The following MACROD2 variants were observed in gnomAD, a reference collection of about 807,000 sequenced individuals.
MACROD2 encodes mono-ADP ribosylhydrolase 2, also known as ADP-ribose glycohydrolase MACROD2.
Under a neutral mutation model 70.4 loss-of-function variants are expected in MACROD2, and 36 were observed. The observed-to-expected ratio is 0.51, with a 90% CI of 0.39 to 0.68. The LOEUF is 0.68. Ranked by LOEUF, MACROD2 falls within the 30% of genes least tolerant of loss-of-function variation. The pLI is 0.00. For synonymous variants in MACROD2, 172 were observed against 178.8 expected (o/e 0.96, Z 0.30); for missense variants, 496 against 538.4 (o/e 0.92, Z 0.78).
intron 2 of MACROD2, among the ~76,000 whole-genome samples, chr20:14,080,139 G>C (rs968972790): frequency 1.3e-5 from 2 of 152,018 alleles, no homozygotes; most frequent in Admixed American, 1.3e-4. Flanking sequence ...ATCTTCAAGA[G>C]GCTTTTAGAA....
Position 15,590,959 on chromosome 20 carries a change from A to AAAAGAAAG in MACROD2, c.645+91128_645+91135dup, listed in dbSNP as rs146525368. ...GGAAAGAGAGAGAAAGAAAGAAAGA[A>AAAAGAAAG]AAAGAAAGAAAGAAAGAAAGAAAAG... On this transcript the variant is annotated intron_variant, in intron 8 of 17. Coordinates refer to ENST00000684519, the MANE Select transcript of MACROD2 (RefSeq NM_001351661.2). Among the ~76,000 whole-genome samples the AAAAGAAAG allele has an allele frequency of 9.3e-3, 1,386 of 149,492 alleles. 7 individuals carry two copies. The highest frequency in any genetic ancestry group is 0.017 in the Middle Eastern group (5 of 290).
intron 7 of MACROD2, among the ~76,000 whole-genome samples, chr20:15,452,505 T>C (rs1338847767): frequency 6.6e-6 from 1 of 152,192 alleles, no homozygotes; most frequent in Admixed American, 6.6e-5. Context: ...GTAAAAGCTG[T>C]GTAATGAAAT....
At chr20:14,395,302 A>G (rs1271881130) in intron 3 of MACROD2, among the ~76,000 whole-genome samples, 1 of 151,988 alleles carries the variant, frequency 6.6e-6, no homozygotes, top group Non-Finnish European at 1.5e-5. Flanking sequence ...GGCTATTTGT[A>G]TTTTTTGAGC....
chr20:14,036,728 A>G (rs556574917), intron 2 of MACROD2, among the ~76,000 whole-genome samples: 10 of 152,234 alleles, frequency 6.6e-5, no homozygotes, highest in South Asian at 2.1e-4. Flanking sequence ...CCCTGCCGCA[A>G]TCTTGGCTCA....
At chr20:15,881,648 G>A (rs143780405) in intron 9 of MACROD2, among the ~76,000 whole-genome samples, 193 of 152,230 alleles carry the variant, frequency 1.3e-3, no homozygotes, top group Middle Eastern at 6.8e-3. Context: ...ATGTGCCTAC[G>A]TCTTAGTAGA....
chr20:15,329,008 C>T (rs971988540), intron 6 of MACROD2, among the ~76,000 whole-genome samples: 2 of 151,790 alleles, frequency 1.3e-5, no homozygotes, highest in African/African-American at 4.8e-5. Context: ...ACACTATACA[C>T]CATTGAAAAC....
intron 3 of MACROD2, among the ~76,000 whole-genome samples, chr20:14,327,999 C>T (rs1302756879): frequency 6.6e-6 from 1 of 151,992 alleles, no homozygotes; most frequent in Non-Finnish European, 1.5e-5. Context: ...AAAAACCACA[C>T]ATTTTTATAT....
At position 14,530,661 on chromosome 20, in the gene MACROD2, G is replaced by A. The variant is rs144232516; in HGVS notation, c.301+37153G>A. Among the ~76,000 whole-genome samples the A allele has an allele frequency of 1.9e-3, 290 of 152,260 alleles. 1 individual carries two copies. Among genetic ancestry groups the A allele is most frequent in the African/African-American group, 6.4e-3 (266 of 41,536 alleles). The stretch of plus-strand genomic sequence containing the variant: ...TAAACTATTAGCTCTAATTGTTAGC[G>A]GAGTACATTTTAATGTTACAGAGTT... On this transcript the variant is annotated intron_variant, in intron 4 of 17. Transcript: ENST00000684519.
chr20:15,882,652 T>G (rs921095992), intron 9 of MACROD2, among the ~76,000 whole-genome samples: 1 of 152,062 alleles, frequency 6.6e-6, no homozygotes, highest in African/African-American at 2.4e-5. Flanking sequence ...GGGTGAAATA[T>G]TCTGGTATTC....
intron 8 of MACROD2, among the ~76,000 whole-genome samples, chr20:15,641,346 AACAGTAGATCCAG>A (rs1169252697): frequency 6.6e-6 from 1 of 152,202 alleles, no homozygotes; most frequent in Non-Finnish European, 1.5e-5. Flanking sequence ...CTGGCATTAA[AACAGTAGATCCAG>A]CAAAGTCTGG....
At chr20:15,979,838 T>C (rs1305151699) in intron 13 of MACROD2, among the ~76,000 whole-genome samples, 1 of 152,090 alleles carries the variant, frequency 6.6e-6, no homozygotes, top group East Asian at 1.9e-4. Context: ...CTTTGCTGTA[T>C]TTAGTATGTG....
chr20:15,432,462 G>C (rs1310687627), intron 7 of MACROD2, among the ~76,000 whole-genome samples: 1 of 152,004 alleles, frequency 6.6e-6, no homozygotes, highest in Non-Finnish European at 1.5e-5. Context: ...GTGGAAACAG[G>C]ATGAGCACTG....
intron 6 of MACROD2, among the ~76,000 whole-genome samples, chr20:15,230,486 G>T (rs1037652138): frequency 6.6e-6 from 1 of 152,140 alleles, no homozygotes; most frequent in Non-Finnish European, 1.5e-5. Context: ...GTACATGCAT[G>T]AATGTGTGCA....
intron 8 of MACROD2, among the ~76,000 whole-genome samples, chr20:15,705,514 G>A (rs2050520278): frequency 6.6e-6 from 1 of 152,094 alleles, no homozygotes; most frequent in Admixed American, 6.6e-5. Context: ...CGGCCTCCTG[G>A]GTTCAAGCAG....
At chr20:14,551,604 C>T (rs935474808) in intron 4 of MACROD2, among the ~76,000 whole-genome samples, 1 of 152,174 alleles carries the variant, frequency 6.6e-6, no homozygotes, top group African/African-American at 2.4e-5. Context: ...CAACTATTAC[C>T]TTTTGCAAAG....
rs559039927 is a variant in MACROD2 at position 15,554,953 on chromosome 20, T to C, written c.645+55106T>C. On this transcript the variant is annotated intron_variant, in intron 8 of 17. Coordinates refer to ENST00000684519, the MANE Select transcript of MACROD2 (RefSeq NM_001351661.2). ...ATTCATTTCAAACCATACAAATCTT[T>C]AAGGGAGAGAAACCCCTGCTTCTTG... 2.6e-5 allele frequency among the ~76,000 whole-genome samples: 4 copies of C among 152,346 alleles called. No individual in the cohort carries two copies. The South Asian group carries it at 8.3e-4, about 32-fold the overall frequency.
At chr20:15,827,637 G>T (rs1364151251) in intron 8 of MACROD2, among the ~76,000 whole-genome samples, 1 of 152,176 alleles carries the variant, frequency 6.6e-6, no homozygotes, top group Non-Finnish European at 1.5e-5. Context: ...TAGGGATGGG[G>T]TTGAGGGGGG....
rs2082735153 is a variant in MACROD2, at chr20:14,326,360, C to T, written c.272-167119C>T. The T allele has an allele frequency of 6.2e-7, 1 of 1,613,820 alleles. No homozygotes were observed. Among genetic ancestry groups the T allele is most frequent in the South Asian group, 1.1e-5 (1 of 91,092 alleles). Reference sequence around the variant, plus strand: ...ATATCTGGCTGTTTGGTCACTGGAGCTGGCCACTGTCCTTGGGCAGGATAC... The same window carrying T: ...ATATCTGGCTGTTTGGTCACTGGAGTTGGCCACTGTCCTTGGGCAGGATAC... On this transcript the variant is annotated intron_variant, in intron 3 of 17. Transcript: ENST00000684519. This position sits in a 1 kb window ranked among gnomAD's most constrained non-coding sequence, Gnocchi z 5.5.
chr20:13,998,975 T>A lies in MACROD2; in HGVS notation c.46+3166T>A, dbSNP rs575944881. 1.6e-3 allele frequency among the ~76,000 whole-genome samples: 240 copies of A among 150,116 alleles called. 2 individuals are homozygous for A. The highest frequency in any genetic ancestry group is 5.8e-3 in the African/African-American group (235 of 40,788). On this transcript the variant is annotated intron_variant, in intron 1 of 17. Coordinates refer to ENST00000684519, the MANE Select transcript of MACROD2 (RefSeq NM_001351661.2). ...GTCTCAAAAAAAAAAAAAAAAAAAT[T>A]CACAGAGAAAATAAATGCCATGTAA...
Sources: gnomAD v4.1 joint callset for allele counts (sites outside exome capture counted in the v4.1 genomes callset) on GRCh38, gnomAD v4.1.1 for gene constraint, Gnocchi (gnomAD v3.1) non-coding constraint, MANE v1.5 for transcripts, NCBI Gene and HGNC (gene_info 2026-07-23, HGNC 2026-07-21) for gene names.